GPHN: variants seen among roughly 807,000 people sequenced by gnomAD.
GPHN encodes the protein gephyrin.
In GPHN, 17 loss-of-function variants were observed where a neutral mutation model predicts 95.5. The observed-to-expected ratio is 0.18, with a 90% CI of 0.12 to 0.27. The LOEUF (loss-of-function observed/expected upper bound fraction) is 0.27. Ranked by LOEUF, GPHN falls within the 10% of genes least tolerant of loss-of-function variation. The pLI is 1.00. For synonymous variants in GPHN, 320 were observed against 322.5 expected (o/e 0.99, Z 0.08); for missense variants, 660 against 978.1 (o/e 0.67, Z 4.34).
intron 2 of GPHN, among the ~76,000 whole-genome samples, chr14:66,757,096 T>A (rs1386981403): frequency 6.6e-6 from 1 of 152,182 alleles, no homozygotes; most frequent in Non-Finnish European, 1.5e-5. Context: ...TAGAGCAAGA[T>A]ACTTTATTTG....
chr14:67,242,035 C>T, the GPHN span: 1 of 152,232 alleles, frequency 6.6e-6, no homozygotes, highest in African/African-American at 2.4e-5. Context: ...TTCCTGCTTC[C>T]TTGTGACCAC....
At chr14:67,685,467 C>T in the GPHN span, among the ~76,000 whole-genome samples, 1 of 152,188 alleles carries the variant, frequency 6.6e-6, no homozygotes, top group Admixed American at 6.5e-5. Flanking sequence ...CTCATCCTCT[C>T]AGCAGCACTT....
intron 17 of GPHN, among the ~76,000 whole-genome samples, chr14:67,134,252 C>T (rs1212579688): frequency 6.6e-6 from 1 of 152,134 alleles, no homozygotes; most frequent in Non-Finnish European, 1.5e-5. Context: ...TTCTATTGTT[C>T]GATGGCTGTT....
intron 2 of GPHN, among the ~76,000 whole-genome samples, chr14:66,713,182 T>C (rs1222198866): frequency 6.6e-6 from 1 of 152,182 alleles, no homozygotes; most frequent in African/African-American, 2.4e-5. Context: ...TTATTGCATA[T>C]GTTTTGGGAT....
At chr14:66,516,227 A>G (rs1385959592) in intron 1 of GPHN, among the ~76,000 whole-genome samples, 1 of 148,342 alleles carries the variant, frequency 6.7e-6, no homozygotes, top group Admixed American at 6.8e-5. Flanking sequence ...CATGTTGGCC[A>G]GGCTGGTTTT....
chr14:67,180,736 G>T, intron 22 of GPHN, 68 bp from the exon 23 acceptor site: 2 of 1,480,790 alleles, frequency 1.4e-6, no homozygotes, highest in Non-Finnish European at 1.9e-6. Context: ...ATTTTGAAAA[G>T]GTCTACAAGG....
At chr14:67,009,001 A>G (rs1338145905) in intron 9 of GPHN, among the ~76,000 whole-genome samples, 18 of 152,174 alleles carry the variant, frequency 1.2e-4, no homozygotes, top group Admixed American at 1.2e-3. Context: ...AAACAGAAGA[A>G]TAATCTAAGA....
chr14:67,518,868 G>T, the GPHN span, among the ~76,000 whole-genome samples: 1 of 152,216 alleles, frequency 6.6e-6, no homozygotes, highest in South Asian at 2.1e-4. Context: ...ATCAGAAAGG[G>T]TCTAGGAGGG....
intron 3 of GPHN, among the ~76,000 whole-genome samples, chr14:66,790,400 CT>C (rs1357882699): frequency 1.6e-4 from 24 of 152,328 alleles, no homozygotes; most frequent in Non-Finnish European, 3.2e-4. Flanking sequence ...AAAGCTTTAA[CT>C]GCTAAGCTAC....
At chr14:66,727,995 G>GGTCCCTGTATTGTGTGCA (rs2071405774) in intron 2 of GPHN, among the ~76,000 whole-genome samples, 1 of 152,158 alleles carries the variant, frequency 6.6e-6, no homozygotes, top group African/African-American at 2.4e-5. Context: ...CTAGGCCCAT[G>GGTCCCTGTATTGTGTGCA]GTCCCTGTAT....
At chr14:66,861,480 A>G (rs1811997623) in intron 4 of GPHN, among the ~76,000 whole-genome samples, 1 of 152,082 alleles carries the variant, frequency 6.6e-6, no homozygotes, top group Non-Finnish European at 1.5e-5. Flanking sequence ...CTTAATCAGC[A>G]CTATAGAACA....
intron 1 of GPHN, among the ~76,000 whole-genome samples, chr14:66,554,660 G>A (rs1039637329): frequency 6.6e-5 from 10 of 152,122 alleles, no homozygotes; most frequent in African/African-American, 1.7e-4. Flanking sequence ...CTTAATACCC[G>A]GGGATTACAA....
chr14:67,317,251 C>A, the GPHN span, among the ~76,000 whole-genome samples: 1 of 151,954 alleles, frequency 6.6e-6, no homozygotes, highest in Non-Finnish European at 1.5e-5. Flanking sequence ...TCACTTGAGG[C>A]CAGGAGTTCA....
chr14:66,854,665 C>CTT (rs2062724760), intron 4 of GPHN, among the ~76,000 whole-genome samples: 1 of 152,106 alleles, frequency 6.6e-6, no homozygotes, highest in South Asian at 2.1e-4. Context: ...TTTCCAGAGT[C>CTT]TAAGTAATTT....
chr14:67,274,603 G>A, the GPHN span, among the ~76,000 whole-genome samples: 117 of 152,234 alleles, frequency 7.7e-4, no homozygotes, highest in East Asian at 0.014. Flanking sequence ...TTGGCAATGC[G>A]GGCTCTTTTT....
chr14:66,745,639 A>G (rs2058114734), intron 2 of GPHN, among the ~76,000 whole-genome samples: 1 of 152,022 alleles, frequency 6.6e-6, no homozygotes, highest in Non-Finnish European at 1.5e-5. Context: ...AAGTGTTGCC[A>G]ATTATGAAAA....
chr14:67,447,798 G>C, the GPHN span: 1 of 152,154 alleles, frequency 6.6e-6, no homozygotes, highest in Admixed American at 6.5e-5. Flanking sequence ...AGTTAAGTGA[G>C]GCTATGGATT....
the GPHN span, chr14:67,592,098 G>A: frequency 5.7e-6 from 1 of 175,664 alleles, no homozygotes. Context: ...GATGAATGGT[G>A]ATTTATAGGC....
chr14:67,537,376 T>TAATAATAAG, the GPHN span, among the ~76,000 whole-genome samples: 2 of 129,958 alleles, frequency 1.5e-5, no homozygotes, highest in Non-Finnish European at 3.2e-5. Flanking sequence ...ATAATAATAA[T>TAATAATAAG]AATAAAAACT....
Sources: allele counts gnomAD v4.1 joint callset (sites outside exome capture counted in the v4.1 genomes callset), GRCh38; gene constraint gnomAD v4.1.1; transcripts MANE v1.5; gene names NCBI Gene and HGNC (gene_info 2026-07-23, HGNC 2026-07-21).